Variants in CACNA1E observed in about 807,000 individuals in gnomAD.
CACNA1E encodes the protein voltage-dependent R-type calcium channel subunit alpha-1E.
CACNA1E carries 40 observed loss-of-function variants against 259.2 expected under a neutral mutation model. That is an observed-to-expected ratio of 0.15 (90% confidence interval 0.12 to 0.20). The LOEUF is 0.20. Ranked by LOEUF, CACNA1E falls within the 10% of genes least tolerant of loss-of-function variation. The pLI is 1.00. For missense variants in CACNA1E, 1,874 were observed against 3,040.1 expected, an observed-to-expected ratio of 0.62 and a Z score of 9.02; for synonymous variants, 1,104 against 1,138.5, an observed-to-expected ratio of 0.97 and a Z score of 0.61.
At chr1:181,655,000 A>G (rs977183657) in intron 7 of CACNA1E, among the ~76,000 whole-genome samples, 5 of 151,114 alleles carry the variant, frequency 3.3e-5, no homozygotes, top group African/African-American at 4.9e-5. Context: ...AAAAAAAAAA[A>G]AAAGAAACAT....
intron 7 of CACNA1E, among the ~76,000 whole-genome samples, chr1:181,655,175 T>C (rs1358961940): frequency 3.9e-5 from 6 of 152,116 alleles, no homozygotes; most frequent in African/African-American, 1.4e-4. Flanking sequence ...TATTTTACTT[T>C]AATGATAATT....
At chr1:181,434,608 C>T (rs535787436) in intron 2 of CACNA1E, among the ~76,000 whole-genome samples, 1 of 152,252 alleles carries the variant, frequency 6.6e-6, no homozygotes, top group African/African-American at 2.4e-5. Context: ...GATGTGTGAG[C>T]AGACATCTGA....
At chr1:181,575,864 T>C (rs1650918431) in intron 3 of CACNA1E, among the ~76,000 whole-genome samples, 1 of 152,248 alleles carries the variant, frequency 6.6e-6, no homozygotes, top group South Asian at 2.1e-4. Context: ...TGTGGTTCTC[T>C]ATCTCCACAC....
At chr1:181,620,467 C>A (rs75572657) in intron 6 of CACNA1E, among the ~76,000 whole-genome samples, 1 of 152,282 alleles carries the variant, frequency 6.6e-6, no homozygotes, top group East Asian at 1.9e-4. Flanking sequence ...GATACATTCA[C>A]CTCAAGGTGA....
rs550312068 is a variant in CACNA1E, at chr1:181,732,360, G to A, written c.2298-24G>A. On this transcript the variant is annotated intron_variant, in intron 19 of 47. Coordinates refer to ENST00000367573, the MANE Select transcript of CACNA1E (RefSeq NM_001205293.3). The surrounding 1 kb of genome is among the most constrained non-coding windows in gnomAD (Gnocchi z 5.5). ...CCTGCAGCTTCTGGGCTCTGACCGC[G>A]GCCCTGCCCTTTCCCCTTGGCAGGA... is the stretch of plus-strand genomic sequence containing the variant. 30 of 1,483,124 alleles carry A rather than the reference G, an allele frequency of 2.0e-5. No homozygotes were observed. The highest frequency in any genetic ancestry group is 1.5e-4 in the East Asian group (6 of 40,134). The allele number at this position is 1,483,124 out of a possible 1,614,324, so 91.9% of individuals were successfully genotyped here. A position where few individuals can be genotyped will look rare whatever the true frequency, so the allele number is the denominator to read the frequency against.
chr1:181,595,722 C>T (rs529385873), intron 6 of CACNA1E, among the ~76,000 whole-genome samples: 3 of 152,222 alleles, frequency 2.0e-5, no homozygotes, highest in African/African-American at 4.8e-5. Context: ...GCGAGGGTAT[C>T]CAGGGCTCCT....
intron 1 of CACNA1E, among the ~76,000 whole-genome samples, chr1:181,331,491 G>A (rs1651259263): frequency 6.6e-6 from 1 of 152,162 alleles, no homozygotes; most frequent in Non-Finnish European, 1.5e-5. Flanking sequence ...CCAGCTCCAG[G>A]AGAGGGTCTT....
rs193170210 is a variant in CACNA1E, at chr1:181,529,714, G to A, written c.512+18204G>A. Among the ~76,000 whole-genome samples the A allele has an allele frequency of 2.2e-3, 336 of 152,278 alleles. 2 individuals are homozygous for A. Among genetic ancestry groups the A allele is most frequent in the African/African-American group, 7.7e-3 (320 of 41,552 alleles). Reference sequence around the variant, plus strand: ...AAATTTGACTGCCCCACTGGATTTCGGATTTGCATGGGCCCTGCAACACCT... The same window carrying A: ...AAATTTGACTGCCCCACTGGATTTCAGATTTGCATGGGCCCTGCAACACCT... On this transcript the variant is annotated intron_variant, in intron 3 of 47. Coordinates refer to ENST00000367573, the MANE Select transcript of CACNA1E (RefSeq NM_001205293.3).
chr1:181,466,322 C>T (rs1287718395), intron 2 of CACNA1E, among the ~76,000 whole-genome samples: 2 of 151,860 alleles, frequency 1.3e-5, no homozygotes, highest in Non-Finnish European at 2.9e-5. Flanking sequence ...GCTGGTGGAT[C>T]ACTTGAAGCC....
chr1:181,444,281 C>G (rs571470086), intron 2 of CACNA1E, among the ~76,000 whole-genome samples: 3 of 151,566 alleles, frequency 2.0e-5, no homozygotes, highest in Admixed American at 6.6e-5. Flanking sequence ...CCAAAGCATT[C>G]ACTCAACAGA....
rs963652710 is a variant in CACNA1E, at chr1:181,804,140, A to ATT, written c.*5308_*5309dup. On this transcript the variant is annotated 3_prime_UTR_variant, in exon 48 of 48. Coordinates refer to ENST00000367573, the MANE Select transcript of CACNA1E (RefSeq NM_001205293.3). ...AGACCAAGTCAAAAGAGGTGTGGGG[A>ATT]TTTATGTTTATTTTTATTTGTTTGG... is the stretch of plus-strand genomic sequence containing the variant. 3 of 152,004 alleles carry ATT rather than the reference A, an allele frequency of 2.0e-5. No homozygotes were observed. Among genetic ancestry groups the ATT allele is most frequent in the African/African-American group, 7.3e-5 (3 of 41,374 alleles). 9.4% of individuals were successfully genotyped at this position (152,004 alleles called of 1,614,324 possible).
chr1:181,758,252 G>A lies in CACNA1E; in HGVS notation c.4494+141G>A. 1.2e-6 allele frequency: 1 copy of A among 845,020 alleles called. No individual in the cohort carries two copies. Among genetic ancestry groups the A allele is most frequent in the South Asian group, 1.8e-5 (1 of 56,854 alleles). The allele number at this position is 845,020 out of a possible 1,614,324, so 52.3% of individuals were successfully genotyped here. The stretch of plus-strand genomic sequence containing the variant: ...TTGAATCCTTTTGTGATCTTATTTT[G>A]TTCAATAACCCAACCTCTGGGGCTT... On this transcript the variant is annotated intron_variant, in intron 31 of 47. Coordinates refer to ENST00000367573, the MANE Select transcript of CACNA1E (RefSeq NM_001205293.3). This position sits in a 1 kb window ranked among gnomAD's most constrained non-coding sequence, Gnocchi z 4.2.
intron 7 of CACNA1E, among the ~76,000 whole-genome samples, chr1:181,678,677 G>A (rs764567880): frequency 6.6e-6 from 1 of 152,200 alleles, no homozygotes; most frequent in Non-Finnish European, 1.5e-5. Context: ...AGGCAATTTA[G>A]CATTGTTTTG....
chr1:181,637,028 T>TC (rs1657276382), intron 6 of CACNA1E, among the ~76,000 whole-genome samples: 1 of 152,204 alleles, frequency 6.6e-6, no homozygotes, highest in African/African-American at 2.4e-5. Context: ...TATTTGGAAA[T>TC]CAGGGAGAGA....
At chr1:181,340,487 G>A (rs899050191) in intron 1 of CACNA1E, among the ~76,000 whole-genome samples, 2 of 151,806 alleles carry the variant, frequency 1.3e-5, no homozygotes, top group African/African-American at 4.8e-5. Flanking sequence ...AAATTTATTG[G>A]TAATTTTTTT....
chr1:181,803,199 C>G lies in CACNA1E; in HGVS notation c.*4365C>G, dbSNP rs575793490. On this transcript the variant is annotated 3_prime_UTR_variant, in exon 48 of 48. Coordinates refer to ENST00000367573, the MANE Select transcript of CACNA1E (RefSeq NM_001205293.3). ...AGTCCTTCTCTCATAGATCCCAGAG[C>G]AATGGGCACCGTCCAGGAGGTACAG... is the stretch of plus-strand genomic sequence containing the variant. 1 of 152,258 alleles carries G rather than the reference C, an allele frequency of 6.6e-6. No individual in the cohort carries two copies. The highest frequency in any genetic ancestry group is 1.9e-4 in the East Asian group (1 of 5,170). 9.4% of individuals were successfully genotyped at this position (152,258 alleles called of 1,614,324 possible).
chr1:181,520,136 T>G (rs1347707002), intron 3 of CACNA1E, among the ~76,000 whole-genome samples: 2 of 152,212 alleles, frequency 1.3e-5, no homozygotes, highest in East Asian at 3.8e-4. Flanking sequence ...TTGCACATAT[T>G]ATTTTAAATA....
intron 2 of CACNA1E, among the ~76,000 whole-genome samples, chr1:181,427,170 A>C (rs180878586): frequency 1.4e-3 from 205 of 149,974 alleles, no homozygotes; most frequent in Middle Eastern, 7.2e-3. Flanking sequence ...CACTCATCTC[A>C]ACGCCTCCCT....
At chr1:181,463,716 C>T (rs959949561) in intron 2 of CACNA1E, among the ~76,000 whole-genome samples, 3 of 151,984 alleles carry the variant, frequency 2.0e-5, no homozygotes, top group Non-Finnish European at 2.9e-5. Context: ...AGATAGAATT[C>T]GTGAGTTGTC....
Sources: gnomAD v4.1 joint callset for allele counts (sites outside exome capture counted in the v4.1 genomes callset) on GRCh38, gnomAD v4.1.1 for gene constraint, Gnocchi (gnomAD v3.1) non-coding constraint, MANE v1.5 for transcripts, NCBI Gene and HGNC (gene_info 2026-07-23, HGNC 2026-07-21) for gene names.